The following PIGU variants were observed in gnomAD, a reference collection of about 807,000 sequenced individuals.
PIGU encodes GPI-anchor transamidase component PIGU.
A neutral mutation model predicts 49.9 loss-of-function variants in PIGU; 24 were observed. The ratio of observed to expected loss-of-function variants is 0.48; its 90% confidence interval spans 0.35 to 0.68. The LOEUF is 0.68. Among genes scored for constraint, PIGU ranks in the 30% least tolerant of loss-of-function variants. The pLI, the probability that PIGU is intolerant of heterozygous loss-of-function variation, is 0.01. For missense variants in PIGU, 490 were observed against 532.6 expected (o/e 0.92, Z 0.79); for synonymous variants, 220 against 205.7 (o/e 1.07, Z -0.59).
intron 11 of PIGU, among the ~76,000 whole-genome samples, chr20:34,573,206 T>C (rs1387750551): frequency 6.6e-6 from 1 of 152,072 alleles, no homozygotes. Context: ...AATGAATTCA[T>C]GTATTACTTG....
At chr20:34,676,023 G>GT (rs1251102479) in intron 1 of PIGU, among the ~76,000 whole-genome samples, 3 of 73,864 alleles carry the variant, frequency 4.1e-5, no homozygotes, top group Admixed American at 4.5e-4. Context: ...CTGTACTTCA[G>GT]TAAAAAAAAA....
intron 1 of PIGU, among the ~76,000 whole-genome samples, chr20:34,668,119 A>C (rs1343642782): frequency 6.6e-6 from 1 of 152,188 alleles, no homozygotes; most frequent in Non-Finnish European, 1.5e-5. Flanking sequence ...AAAGATGAGG[A>C]AATGCTAAGG....
At chr20:34,660,874 A>G (rs919383987) in intron 1 of PIGU, among the ~76,000 whole-genome samples, 3 of 152,198 alleles carry the variant, frequency 2.0e-5, no homozygotes, top group Non-Finnish European at 4.4e-5. Flanking sequence ...ATAAAATTCT[A>G]ATAAGGCCTG....
chr20:34,668,733 C>CA (rs1441460934), intron 1 of PIGU, among the ~76,000 whole-genome samples: 1 of 150,872 alleles, frequency 6.6e-6, no homozygotes, highest in African/African-American at 2.4e-5. Context: ...CGTGTCACTG[C>CA]ACTCCAGCCT....
chr20:34,653,492 C>A (rs1461011787), intron 2 of PIGU, among the ~76,000 whole-genome samples: 1 of 152,058 alleles, frequency 6.6e-6, no homozygotes, highest in Non-Finnish European at 1.5e-5. Flanking sequence ...TCTGGTGATA[C>A]CCTTGGCTCT....
intron 6 of PIGU, among the ~76,000 whole-genome samples, chr20:34,629,212 C>T (rs1307071828): frequency 1.3e-5 from 2 of 152,096 alleles, no homozygotes; most frequent in Non-Finnish European, 2.9e-5. Flanking sequence ...AATGAGGTTT[C>T]ACCATCTTGG....
chr20:34,613,869 T>C (rs1184349178), intron 7 of PIGU, among the ~76,000 whole-genome samples: 11 of 152,336 alleles, frequency 7.2e-5, no homozygotes, highest in East Asian at 1.9e-4. Context: ...GGTCCACTTC[T>C]CTTTAGATAC....
chr20:34,631,785 ATTTTTTTTTTTTTTTTT>A (rs1166878990), intron 6 of PIGU, among the ~76,000 whole-genome samples: 155 of 6,406 alleles, frequency 0.024, 9 homozygotes, highest in Non-Finnish European at 0.026. Context: ...ATATATATAT[ATTTTTTTTTTTTTTTTT>A]TTTTTTTTTT....
rs139695705 is a variant in PIGU, at chr20:34,560,917, G to A, written c.1257C>T (p.Gly419=). The stretch of plus-strand genomic sequence containing the variant: ...TGCCATCCTTGGCGGTCAAGTAGAG[G>A]CCATGTGTGAGGTAGTACTCCCGCC... ...FLRREYYLTH[G]LYLTAKDGTE... The change falls in exon 12 of 12, where the codon GGC becomes GGT. Residue 419 remains glycine (G), a synonymous_variant. Coordinates refer to ENST00000217446, the MANE Select transcript of PIGU (RefSeq NM_080476.5). The A allele has an allele frequency of 1.2e-6, 2 of 1,613,000 alleles. No homozygotes were observed. Among genetic ancestry groups the A allele is most frequent in the African/African-American group, 1.3e-5 (1 of 74,918 alleles).
chr20:34,560,567 T>TTAAG lies in PIGU; in HGVS notation c.*295_*298dup, dbSNP rs1982434570. 1 of 366,438 alleles carries TTAAG rather than the reference T, an allele frequency of 2.7e-6. No individual in the cohort carries two copies. Among genetic ancestry groups the TTAAG allele is most frequent in the African/African-American group, 2.1e-5 (1 of 47,532 alleles). 22.7% of individuals were successfully genotyped at this position (366,438 alleles called of 1,614,324 possible). A position where few individuals can be genotyped will look rare whatever the true frequency, so the allele number is the denominator to read the frequency against. The stretch of plus-strand genomic sequence containing the variant: ...TAGACTTCATAACAAAAAACATTTA[T>TTAAG]TAAGTAGCCACAATCTAACAAGCCC... On this transcript the variant is annotated 3_prime_UTR_variant, in exon 12 of 12. Coordinates refer to ENST00000217446, the MANE Select transcript of PIGU (RefSeq NM_080476.5).
At chr20:34,565,694 C>T (rs1352171035) in intron 11 of PIGU, among the ~76,000 whole-genome samples, 2 of 147,212 alleles carry the variant, frequency 1.4e-5, no homozygotes, top group African/African-American at 5.1e-5. Context: ...TCTCTTCCTG[C>T]AGCCACCTCT....
chr20:34,648,537 T>G (rs1166220553), intron 2 of PIGU, among the ~76,000 whole-genome samples: 1 of 152,096 alleles, frequency 6.6e-6, no homozygotes, highest in Non-Finnish European at 1.5e-5. Flanking sequence ...TATGCAAAAT[T>G]TTTTGTTTTT....
At chr20:34,593,489 T>A (rs1984074880) in intron 7 of PIGU, among the ~76,000 whole-genome samples, 1 of 152,154 alleles carries the variant, frequency 6.6e-6, no homozygotes, top group Non-Finnish European at 1.5e-5. Context: ...AAAACCTCTA[T>A]AATTAAAGCA....
At chr20:34,573,798 G>A (rs1029765149) in intron 11 of PIGU, among the ~76,000 whole-genome samples, 2 of 152,266 alleles carry the variant, frequency 1.3e-5, no homozygotes, top group Non-Finnish European at 2.9e-5. Context: ...TACAGTGTGA[G>A]AGACAGAACA....
intron 11 of PIGU, among the ~76,000 whole-genome samples, chr20:34,571,069 G>C (rs1266645950): frequency 6.6e-6 from 1 of 152,138 alleles, no homozygotes; most frequent in Non-Finnish European, 1.5e-5. Context: ...TCATCATCCC[G>C]GTTTTTGAGA....
At chr20:34,586,221 A>C (rs1483021825) in intron 8 of PIGU, among the ~76,000 whole-genome samples, 1 of 152,236 alleles carries the variant, frequency 6.6e-6, no homozygotes, top group African/African-American at 2.4e-5. Flanking sequence ...TTGATTTAAA[A>C]AAATATGAAG....
rs1453386905 is a variant in PIGU, at chr20:34,585,521, A to G, written c.842T>C (p.Met281Thr). Reference sequence around the variant, plus strand: ...AAAGAAGAGGCTGAAGTGCTCAAACATCTCTGCAAAGAAGTACCAGAAAAG... The same window carrying G: ...AAAGAAGAGGCTGAAGTGCTCAAACGTCTCTGCAAAGAAGTACCAGAAAAG... ...IGLFWYFFAE[M>T]FEHFSLFFVC... Residue 281 changes from methionine to threonine, a missense_variant, in exon 9 of 12, where the codon ATG becomes ACG. Met to Thr is a moderately conservative substitution (Grantham distance 81). Transcript: ENST00000217446. 1 of 1,613,232 alleles carries G rather than the reference A, an allele frequency of 6.2e-7. No individual in the cohort carries two copies. Among genetic ancestry groups the G allele is most frequent in the Non-Finnish European group, 8.5e-7 (1 of 1,179,252 alleles).
chr20:34,665,192 ATTTTTTTTTTTTTTTTT>A (rs1171497892), intron 1 of PIGU, among the ~76,000 whole-genome samples: 2 of 59,628 alleles, frequency 3.4e-5, no homozygotes, highest in African/African-American at 1.5e-4. Flanking sequence ...TGTATGGCCA[ATTTTTTTTTTTTTTTTT>A]TTTTTTTTTT....
chr20:34,659,868 G>A (rs1467106604), intron 1 of PIGU, among the ~76,000 whole-genome samples: 1 of 151,756 alleles, frequency 6.6e-6, no homozygotes, highest in Admixed American at 6.6e-5. Context: ...CTTGTTAAGA[G>A]TCATCACCAC....
Sources: allele counts gnomAD v4.1 joint callset (sites outside exome capture counted in the v4.1 genomes callset), GRCh38; gene constraint gnomAD v4.1.1; transcripts MANE v1.5; gene names NCBI Gene and HGNC (gene_info 2026-07-23, HGNC 2026-07-21).